CADM2: variants seen among roughly 807,000 people sequenced by gnomAD.
The protein encoded by CADM2 is immunoglobulin superfamily member 4D.
In CADM2, 12 loss-of-function variants were observed where a neutral mutation model predicts 49.8. The observed-to-expected ratio is 0.24, with a 90% CI of 0.15 to 0.39. The LOEUF is 0.39. Ranked by LOEUF, CADM2 falls within the 10% of genes least tolerant of loss-of-function variation. The pLI is 1.00. For synonymous variants in CADM2, 214 were observed against 175.4 expected (o/e 1.22, Z -1.74); for missense variants, 378 against 492.3 (o/e 0.77, Z 2.20).
At chr3:85,435,093 A>G (rs1026094274) in intron 1 of CADM2, among the ~76,000 whole-genome samples, 2 of 152,222 alleles carry the variant, frequency 1.3e-5, no homozygotes, top group African/African-American at 4.8e-5. Flanking sequence ...CATAGTATAC[A>G]TGTGCCATGG....
chr3:85,406,547 G>A (rs1285831026), intron 1 of CADM2, among the ~76,000 whole-genome samples: 1 of 152,090 alleles, frequency 6.6e-6, no homozygotes, highest in East Asian at 1.9e-4. Flanking sequence ...CTAAACCTCA[G>A]AACCATACAC....
intron 1 of CADM2, among the ~76,000 whole-genome samples, chr3:85,332,633 G>A (rs2044961430): frequency 6.6e-6 from 1 of 151,872 alleles, no homozygotes; most frequent in Non-Finnish European, 1.5e-5. Context: ...ATATATTTAA[G>A]TGAATAATCC....
intron 1 of CADM2, among the ~76,000 whole-genome samples, chr3:85,359,288 G>A (rs938739488): frequency 2.0e-5 from 3 of 152,024 alleles, no homozygotes; most frequent in African/African-American, 4.8e-5. Context: ...ACTTGAACAA[G>A]CATTTTCAGT....
At chr3:85,134,309 AC>A (rs2039346982) in intron 1 of CADM2, among the ~76,000 whole-genome samples, 1 of 152,194 alleles carries the variant, frequency 6.6e-6, no homozygotes, top group Admixed American at 6.5e-5. Flanking sequence ...AGGGGCTCCC[AC>A]AGTGCAGCGG....
intron 8 of CADM2, among the ~76,000 whole-genome samples, chr3:85,972,826 T>C (rs1726311784): frequency 1.3e-5 from 2 of 151,774 alleles, no homozygotes; most frequent in Non-Finnish European, 1.5e-5. Flanking sequence ...ACAGGATCTG[T>C]TGTGCTCTAA....
chr3:85,088,514 A>G (rs1388021700), intron 1 of CADM2, among the ~76,000 whole-genome samples: 1 of 152,110 alleles, frequency 6.6e-6, no homozygotes, highest in African/African-American at 2.4e-5. Context: ...TTTTTCTGGC[A>G]TATAAGATAA....
intron 3 of CADM2, among the ~76,000 whole-genome samples, chr3:85,815,984 T>G (rs1577382154): frequency 6.6e-6 from 1 of 152,250 alleles, no homozygotes; most frequent in Admixed American, 6.5e-5. Context: ...AAAGAAAATC[T>G]TAACAATATC....
chr3:85,436,461 A>G (rs117103573), intron 1 of CADM2, among the ~76,000 whole-genome samples: 2,115 of 152,132 alleles, frequency 0.014, 118 homozygotes, highest in South Asian at 0.1. Context: ...GAATAGGAGC[A>G]GTGAGAGAGA....
intron 1 of CADM2, among the ~76,000 whole-genome samples, chr3:85,352,174 T>C (rs1362215628): frequency 1.3e-5 from 2 of 152,120 alleles, no homozygotes; most frequent in African/African-American, 2.4e-5. Flanking sequence ...TAAAGCACTA[T>C]AGTTCATCTT....
chr3:85,235,680 T>C (rs1187284211), intron 1 of CADM2, among the ~76,000 whole-genome samples: 1 of 152,148 alleles, frequency 6.6e-6, no homozygotes, highest in Non-Finnish European at 1.5e-5. Flanking sequence ...TACAAGTATA[T>C]AGTATTTTGA....
intron 1 of CADM2, among the ~76,000 whole-genome samples, chr3:85,216,511 TA>T (rs1315944496): frequency 1.3e-5 from 2 of 151,634 alleles, no homozygotes; most frequent in African/African-American, 4.8e-5. Flanking sequence ...TGCTGCAAAT[TA>T]AAAAAATTAC....
chr3:85,998,530 C>A (rs1181981398), intron 8 of CADM2, among the ~76,000 whole-genome samples: 1 of 152,000 alleles, frequency 6.6e-6, no homozygotes, highest in Admixed American at 6.6e-5. Flanking sequence ...AAAAGGTAAG[C>A]AGTCGTGAAA....
At chr3:85,881,548 C>T (rs1338520589) in intron 3 of CADM2, among the ~76,000 whole-genome samples, 1 of 152,140 alleles carries the variant, frequency 6.6e-6, no homozygotes, top group Non-Finnish European at 1.5e-5. Context: ...GTATAACATG[C>T]TAGTCCTAGC....
intron 1 of CADM2, among the ~76,000 whole-genome samples, chr3:85,718,721 T>G (rs2067387516): frequency 6.6e-6 from 1 of 151,930 alleles, no homozygotes; most frequent in East Asian, 1.9e-4. Context: ...TTGCTATGTA[T>G]AATTCAGTAT....
At chr3:85,614,290 G>A (rs1321825314) in intron 1 of CADM2, among the ~76,000 whole-genome samples, 1 of 151,220 alleles carries the variant, frequency 6.6e-6, no homozygotes, top group East Asian at 1.9e-4. Flanking sequence ...TCTTTAAATG[G>A]CATTACAGAA....
intron 1 of CADM2, among the ~76,000 whole-genome samples, chr3:85,267,538 A>G (rs1466891812): frequency 6.6e-6 from 1 of 151,588 alleles, no homozygotes; most frequent in Non-Finnish European, 1.5e-5. Context: ...CCATTATGCA[A>G]TGTGTTTTAC....
chr3:85,465,303 TAG>T (rs1482605008), intron 1 of CADM2, among the ~76,000 whole-genome samples: 1 of 152,146 alleles, frequency 6.6e-6, no homozygotes, highest in East Asian at 1.9e-4. Flanking sequence ...TTTGAAAAAC[TAG>T]AGATATCTGG....
chr3:85,575,538 G>A (rs562532655), intron 1 of CADM2, among the ~76,000 whole-genome samples: 6 of 152,250 alleles, frequency 3.9e-5, no homozygotes, highest in Middle Eastern at 3.4e-3. Context: ...GCGACAGAGC[G>A]AGACTCCGTC....
At chr3:85,051,744 T>C (rs1365776014) in intron 1 of CADM2, among the ~76,000 whole-genome samples, 1 of 152,210 alleles carries the variant, frequency 6.6e-6, no homozygotes, top group East Asian at 1.9e-4. Flanking sequence ...AATTATTTTG[T>C]CAAATCATTT....
Sources: allele counts gnomAD v4.1 joint callset (sites outside exome capture counted in the v4.1 genomes callset), GRCh38; gene constraint gnomAD v4.1.1; transcripts MANE v1.5; gene names NCBI Gene and HGNC (gene_info 2026-07-23, HGNC 2026-07-21).